Variants in CDK15 observed in about 807,000 individuals in gnomAD.
CDK15 encodes the protein cyclin-dependent kinase 15.
CDK15 carries 62 observed loss-of-function variants against 60.3 expected under a neutral mutation model. That is an observed-to-expected ratio of 1.03 (90% CI 0.84 to 1.27). The LOEUF (loss-of-function observed/expected upper bound fraction) is 1.27, where lower values mean the gene tolerates loss of function less well. CDK15 is among the 50% of genes most tolerant of loss of function. The probability of loss-of-function intolerance (pLI) is 0.00; values close to 1 mark genes in which losing one functional copy is unlikely to be tolerated. For synonymous variants in CDK15, 194 were observed against 195.7 expected (o/e 0.99, Z 0.07); for missense variants, 541 against 527.8 (o/e 1.03, Z -0.25).
chr2:201,881,562 A>G (rs1699278613), intron 12 of CDK15, among the ~76,000 whole-genome samples: 1 of 152,206 alleles, frequency 6.6e-6, no homozygotes, highest in African/African-American at 2.4e-5. Flanking sequence ...TCAACTGCAG[A>G]TGTGCAGAGA....
chr2:201,850,446 G>A (rs1697858314), intron 9 of CDK15, among the ~76,000 whole-genome samples: 1 of 152,104 alleles, frequency 6.6e-6, no homozygotes, highest in South Asian at 2.1e-4. Flanking sequence ...GACTCACAAT[G>A]GGCTAGGTAC....
intron 4 of CDK15, 37 bp downstream of exon 4, chr2:201,812,599 T>A: frequency 7.0e-7 from 1 of 1,435,976 alleles, no homozygotes; most frequent in Non-Finnish European, 9.8e-7. Flanking sequence ...AGATCTGTTT[T>A]GAGTCCTTGA....
chr2:201,835,709 G>A lies in CDK15; in HGVS notation c.797G>A (p.Arg266Gln), dbSNP rs191987869. 8.9e-5 allele frequency: 144 copies of A among 1,610,842 alleles called. No homozygotes were observed. Among genetic ancestry groups the A allele is most frequent in the Non-Finnish European group, 1.2e-4 (136 of 1,178,060 alleles). Residue 266 changes from arginine (R) to glutamine (Q), a missense_variant, in exon 8 of 14, where the codon CGG becomes CAG. Physicochemically the swap from Arg to Gln is conservative, Grantham distance 43. Coordinates refer to ENST00000652192, the MANE Select transcript of CDK15 (RefSeq NM_001366386.2). Reference sequence around the variant, plus strand: ...TCAGAAGTCGTGACCCTCTGGTACCGGCCCCCTGATGCTTTGCTGGGAGCC... The same window carrying A: ...TCAGAAGTCGTGACCCTCTGGTACCAGCCCCCTGATGCTTTGCTGGGAGCC... ...YSSEVVTLWYRPPDALLGATE... is the reference protein window; with the variant it reads ...YSSEVVTLWYQPPDALLGATE...
intron 11 of CDK15, among the ~76,000 whole-genome samples, chr2:201,874,447 T>C (rs530609889): frequency 6.6e-6 from 1 of 152,278 alleles, no homozygotes; most frequent in East Asian, 1.9e-4. Context: ...CTTACAAATA[T>C]CATTCCCAGG....
intron 10 of CDK15, among the ~76,000 whole-genome samples, chr2:201,861,870 C>T (rs768447710): frequency 6.6e-6 from 1 of 152,070 alleles, no homozygotes; most frequent in Non-Finnish European, 1.5e-5. Flanking sequence ...TGGTTTTTTA[C>T]ACAGTGTGGA....
chr2:201,816,213 C>T (rs1008853389), intron 4 of CDK15, among the ~76,000 whole-genome samples: 1 of 152,042 alleles, frequency 6.6e-6, no homozygotes, highest in Non-Finnish European at 1.5e-5. Context: ...TCTTGTCACC[C>T]AAATAGTGAG....
At chr2:201,834,089 T>C in intron 7 of CDK15, 118 bp downstream of exon 7, 1 of 1,223,566 alleles carries the variant, frequency 8.2e-7, no homozygotes, top group South Asian at 1.9e-5. Context: ...CATGATGCTT[T>C]GTGAGGATAT....
chr2:201,855,090 T>A (rs1266435961), intron 10 of CDK15, among the ~76,000 whole-genome samples, 153 bp downstream of exon 10: 1 of 152,216 alleles, frequency 6.6e-6, no homozygotes, highest in Non-Finnish European at 1.5e-5. Flanking sequence ...CTAATCTTTG[T>A]ATGAGGAAGA....
At chr2:201,848,637 T>C (rs1697774130) in intron 9 of CDK15, among the ~76,000 whole-genome samples, 1 of 152,112 alleles carries the variant, frequency 6.6e-6, no homozygotes, top group African/African-American at 2.4e-5. Flanking sequence ...CTCATATAAG[T>C]GGAATCATAC....
At chr2:201,851,463 T>C (rs1454466403) in intron 9 of CDK15, among the ~76,000 whole-genome samples, 2 of 152,062 alleles carry the variant, frequency 1.3e-5, no homozygotes, top group East Asian at 1.9e-4. Context: ...TGTCCTTACA[T>C]GGTGGAAGGG....
Position 201,812,263 on chromosome 2 carries a change from CAT to C in CDK15, c.369-207_369-206del, listed in dbSNP as rs899693679. 2.5e-3 allele frequency among the ~76,000 whole-genome samples: 375 copies of C among 147,834 alleles called. 2 individuals are homozygous for C. The highest frequency in any genetic ancestry group is 7.8e-3 in the African/African-American group (314 of 40,278). On this transcript the variant is annotated intron_variant, in intron 3 of 13. Coordinates refer to ENST00000652192, the MANE Select transcript of CDK15 (RefSeq NM_001366386.2). ...TAAGCTCCAAATTTTCTATAATGGA[CAT>C]ATATATATATATCACTTTAGTAAAG...
rs1016435715 is a variant in CDK15 at position 201,853,733 on chromosome 2, A to T, written c.946-1141A>T. Among the ~76,000 whole-genome samples, 8 of 298 alleles carry T rather than the reference A, an allele frequency of 0.027. No individual in the cohort carries two copies. The East Asian group carries it at 0.31, about 12-fold the overall frequency. The allele number at this position is 298 out of a possible 152,430, so 0.2% of individuals were successfully genotyped here. ...TATGGGCTTTTATGATTATTCTTTA[A>T]AAAAAAAAAAATACTAAGGTAATGC... On this transcript the variant is annotated intron_variant, in intron 9 of 13. Transcript: ENST00000652192.
At chr2:201,833,219 G>C (rs569044594) in intron 6 of CDK15, among the ~76,000 whole-genome samples, 41 of 140,480 alleles carry the variant, frequency 2.9e-4, no homozygotes, top group African/African-American at 8.1e-4. Flanking sequence ...TGAGGGGGGG[G>C]GTCTAACTTA....
chr2:201,873,681 G>A (rs943586421), intron 11 of CDK15, among the ~76,000 whole-genome samples: 3 of 152,210 alleles, frequency 2.0e-5, no homozygotes, highest in African/African-American at 4.8e-5. Context: ...TGGCCTCTGC[G>A]CCTTCCCTTG....
At chr2:201,849,899 A>G (rs954632233) in intron 9 of CDK15, among the ~76,000 whole-genome samples, 2 of 151,874 alleles carry the variant, frequency 1.3e-5, no homozygotes, top group Non-Finnish European at 2.9e-5. Flanking sequence ...ATCTCGGCTC[A>G]CTGCAAGCTC....
intron 6 of CDK15, among the ~76,000 whole-genome samples, chr2:201,832,325 C>T (rs113651930): frequency 0.012 from 1,837 of 152,304 alleles, 40 homozygotes; most frequent in African/African-American, 0.041. Context: ...GGATTATAGG[C>T]GTGGGCCACT....
At chr2:201,864,259 TAAAAG>T (rs1698518270) in intron 10 of CDK15, among the ~76,000 whole-genome samples, 1 of 152,108 alleles carries the variant, frequency 6.6e-6, no homozygotes, top group African/African-American at 2.4e-5. Context: ...AACAGGAAAA[TAAAAG>T]AAAAGAAGGA....
At chr2:201,839,687 C>CAGACAGACAGAT (rs1328253517) in intron 8 of CDK15, among the ~76,000 whole-genome samples, 1 of 146,640 alleles carries the variant, frequency 6.8e-6, no homozygotes, top group Non-Finnish European at 1.5e-5. Flanking sequence ...GACAGACAGA[C>CAGACAGACAGAT]AGATAGATAG....
At chr2:201,870,361 T>A (rs1262846160) in intron 10 of CDK15, among the ~76,000 whole-genome samples, 1 of 152,140 alleles carries the variant, frequency 6.6e-6, no homozygotes. Context: ...TTTGTTGTGA[T>A]GAACAGCCTT....
Sources: gnomAD v4.1 joint callset for allele counts (sites outside exome capture counted in the v4.1 genomes callset) on GRCh38, gnomAD v4.1.1 for gene constraint, MANE v1.5 for transcripts, NCBI Gene and HGNC (gene_info 2026-07-23, HGNC 2026-07-21) for gene names.